The following RAB3C variants were observed in gnomAD, a reference collection of about 807,000 sequenced individuals.
RAB3C encodes the protein RAB3C, member RAS oncogene family.
A neutral mutation model predicts 26.4 loss-of-function variants in RAB3C; 17 were observed. The observed-to-expected ratio is 0.64, with a 90% CI of 0.44 to 0.97. The LOEUF (loss-of-function observed/expected upper bound fraction) is 0.97. Among genes scored for constraint, RAB3C ranks in the 50% least tolerant of loss-of-function variants. The probability of loss-of-function intolerance (pLI) is 0.00; values close to 1 mark genes in which losing one functional copy is unlikely to be tolerated. For synonymous variants in RAB3C, 91 were observed against 95.9 expected, an observed-to-expected ratio of 0.95 and a Z score of 0.30; for missense variants, 242 against 281.9, an observed-to-expected ratio of 0.86 and a Z score of 1.01.
intron 3 of RAB3C, chr5:58,814,518 T>C (rs1001198831): frequency 2.0e-5 from 3 of 152,186 alleles, no homozygotes; most frequent in Non-Finnish European, 4.4e-5. Flanking sequence ...AGGAAGCATA[T>C]CTTGCCAAAG....
intron 3 of RAB3C, among the ~76,000 whole-genome samples, chr5:58,750,953 C>T (rs1445646036): frequency 1.3e-5 from 2 of 152,080 alleles, no homozygotes; most frequent in African/African-American, 2.4e-5. Flanking sequence ...CTCCCGGGTT[C>T]AAGAGATTCT....
intron 4 of RAB3C, among the ~76,000 whole-genome samples, 189 bp from the exon 5 acceptor site, chr5:58,850,975 A>G (rs1413487251): frequency 2.6e-5 from 4 of 152,184 alleles, no homozygotes; most frequent in African/African-American, 9.7e-5. Flanking sequence ...GTTCATGGTT[A>G]ATGGAGTAAG....
intron 1 of RAB3C, among the ~76,000 whole-genome samples, chr5:58,611,348 C>G (rs1387885317): frequency 6.6e-6 from 1 of 152,144 alleles, no homozygotes; most frequent in South Asian, 2.1e-4. Flanking sequence ...CTCCTACCGA[C>G]AGTATATAAG....
At chr5:58,677,726 G>A (rs1748257368) in intron 2 of RAB3C, among the ~76,000 whole-genome samples, 1 of 152,142 alleles carries the variant, frequency 6.6e-6, no homozygotes, top group South Asian at 2.1e-4. Context: ...TGAACTGATA[G>A]CGGCTATCTA....
intron 3 of RAB3C, among the ~76,000 whole-genome samples, chr5:58,746,200 G>C (rs529824806): frequency 2.0e-5 from 3 of 152,088 alleles, no homozygotes; most frequent in African/African-American, 7.2e-5. Context: ...GGGTCTTTTT[G>C]TTCCTTTGCT....
intron 2 of RAB3C, among the ~76,000 whole-genome samples, chr5:58,701,936 A>T (rs1748850732): frequency 6.6e-6 from 1 of 152,120 alleles, no homozygotes; most frequent in Non-Finnish European, 1.5e-5. Context: ...GTAAAGTAAT[A>T]TTCACAGGTT....
rs994194847 is a variant in RAB3C at position 58,758,117 on chromosome 5, A to AT, written c.371+32005dup. 1.1e-4 allele frequency among the ~76,000 whole-genome samples: 16 copies of AT among 151,280 alleles called. 1 individual carries two copies. The highest frequency in any genetic ancestry group is 6.3e-4 in the South Asian group (3 of 4,770). ...CCACCACGCCCGGCTAATTTTTTGT[A>AT]TTTTTTTTAGTAGAGATGGGGTTTC... On this transcript the variant is annotated intron_variant, in intron 3 of 4. Transcript: ENST00000282878.
rs368267920 is a variant in RAB3C at position 58,796,984 on chromosome 5, T to TACAC, written c.372-28044_372-28041dup. ...TTTCTACCTTTCATTTCTGACCCACTACACACACACACAGACACACACACA... is the reference window on the plus strand; with the variant it reads ...TTTCTACCTTTCATTTCTGACCCACTACACACACACACACACAGACACACACACA... On this transcript the variant is annotated intron_variant, in intron 3 of 4. Transcript: ENST00000282878. Among the ~76,000 whole-genome samples, 187 of 148,840 alleles carry TACAC rather than the reference T, an allele frequency of 1.3e-3. 1 individual carries two copies. Among genetic ancestry groups the TACAC allele is most frequent in the South Asian group, 2.8e-3 (13 of 4,672 alleles).
chr5:58,809,219 C>A (rs1287099422), intron 3 of RAB3C, among the ~76,000 whole-genome samples: 2 of 152,086 alleles, frequency 1.3e-5, no homozygotes, highest in Admixed American at 1.3e-4. Context: ...AAAATTGTTT[C>A]TTTTCATATA....
Position 58,602,178 on chromosome 5 carries a change from G to T in RAB3C, c.25-15465G>T, listed in dbSNP as rs569554430. 1.8e-4 allele frequency among the ~76,000 whole-genome samples: 28 copies of T among 152,060 alleles called. No homozygotes were observed. In the South Asian group the frequency reaches 5.8e-3, roughly 32 times the overall value. ...GGTTTTGAAGGTTCCTTTTGGAATT[G>T]ATTTCCAGTTTTATTCCACTGTGGT... is the stretch of plus-strand genomic sequence containing the variant. On this transcript the variant is annotated intron_variant, in intron 1 of 4. Coordinates refer to ENST00000282878, the MANE Select transcript of RAB3C (RefSeq NM_138453.4).
intron 2 of RAB3C, among the ~76,000 whole-genome samples, chr5:58,626,374 G>A (rs1026178846): frequency 1.8e-4 from 28 of 152,114 alleles, no homozygotes; most frequent in African/African-American, 6.8e-4. Context: ...GCACTGTTTT[G>A]TAATCTTCAT....
At chr5:58,700,187 G>A (rs932524565) in intron 2 of RAB3C, among the ~76,000 whole-genome samples, 40 of 152,216 alleles carry the variant, frequency 2.6e-4, no homozygotes, top group Non-Finnish European at 1.3e-4. Flanking sequence ...TGCATGACAC[G>A]TGGTAGTAAG....
chr5:58,834,529 G>T (rs1743691977), intron 4 of RAB3C, among the ~76,000 whole-genome samples: 1 of 152,184 alleles, frequency 6.6e-6, no homozygotes. Context: ...TTCTTCAGCA[G>T]CTTTTAAAGA....
At chr5:58,777,120 G>A (rs967568250) in intron 3 of RAB3C, among the ~76,000 whole-genome samples, 7 of 152,090 alleles carry the variant, frequency 4.6e-5, no homozygotes, top group African/African-American at 1.4e-4. Flanking sequence ...CCTCAGAAAA[G>A]TTCAGCATAT....
intron 4 of RAB3C, 133 bp from the exon 5 acceptor site, chr5:58,851,031 C>T: frequency 1.3e-6 from 1 of 747,592 alleles, no homozygotes; most frequent in Admixed American, 3.0e-5. Context: ...CACCTCTAAT[C>T]TCTTACCTAC....
intron 1 of RAB3C, among the ~76,000 whole-genome samples, chr5:58,607,669 T>G: frequency 6.6e-6 from 1 of 152,120 alleles, no homozygotes; most frequent in East Asian, 1.9e-4. Flanking sequence ...GAGAGAAAGG[T>G]CGGGTTACCC....
rs1746993890 is a variant in RAB3C, at chr5:58,623,874, C to G, written c.252+6004C>G. Among the ~76,000 whole-genome samples, 3 of 152,128 alleles carry G rather than the reference C, an allele frequency of 2.0e-5. No homozygotes were observed. The South Asian group carries it at 6.2e-4, about 32-fold the overall frequency. On this transcript the variant is annotated intron_variant, in intron 2 of 4. Coordinates refer to ENST00000282878, the MANE Select transcript of RAB3C (RefSeq NM_138453.4). Reference sequence around the variant, plus strand: ...GTGACCCAGGGTTCAAATGTTGTCCCTGATTCTCACTAGGGTTTGACCTCA... The same window carrying G: ...GTGACCCAGGGTTCAAATGTTGTCCGTGATTCTCACTAGGGTTTGACCTCA...
intron 3 of RAB3C, among the ~76,000 whole-genome samples, chr5:58,755,759 G>A (rs1392438104): frequency 2.0e-5 from 3 of 152,236 alleles, no homozygotes; most frequent in East Asian, 3.9e-4. Flanking sequence ...ACTGGTAAGT[G>A]TGGGGACTGC....
At chr5:58,613,383 T>C (rs984351261) in intron 1 of RAB3C, among the ~76,000 whole-genome samples, 1 of 152,160 alleles carries the variant, frequency 6.6e-6, no homozygotes, top group Non-Finnish European at 1.5e-5. Flanking sequence ...AAGTTAATTG[T>C]TATTTGTCTA....
Sources: gnomAD v4.1 joint callset for allele counts (sites outside exome capture counted in the v4.1 genomes callset) on GRCh38, gnomAD v4.1.1 for gene constraint, MANE v1.5 for transcripts, NCBI Gene and HGNC (gene_info 2026-07-23, HGNC 2026-07-21) for gene names.